The following ELF5 variants were observed in gnomAD, a reference collection of about 807,000 sequenced individuals.
ELF5 encodes the protein E74 like ETS transcription factor 5, also known as ETS-related transcription factor Elf-5.
ELF5 carries 31 observed loss-of-function variants against 38.2 expected under a neutral mutation model. The observed-to-expected ratio is 0.81, with a 90% CI of 0.61 to 1.10. The LOEUF is 1.10. ELF5 is among the 50% of genes least tolerant of loss of function. The probability of loss-of-function intolerance (pLI) is 0.00; values close to 1 mark genes in which losing one functional copy is unlikely to be tolerated. For missense variants in ELF5, 300 were observed against 306.6 expected (o/e 0.98, Z 0.16); for synonymous variants, 121 against 112.5 (o/e 1.08, Z -0.48).
intron 3 of ELF5, 28 bp from the exon 4 acceptor site, chr11:34,490,087 C>G: frequency 6.2e-7 from 1 of 1,613,258 alleles, no homozygotes; most frequent in Non-Finnish European, 8.5e-7. Context: ...ATCCAGAAAC[C>G]ATACCATGCA....
At chr11:34,503,718 C>T (rs1427924804) in intron 2 of ELF5, among the ~76,000 whole-genome samples, 1 of 152,214 alleles carries the variant, frequency 6.6e-6, no homozygotes, top group Non-Finnish European at 1.5e-5. Flanking sequence ...TTCCAAAGTG[C>T]TAGGATTACA....
intron 2 of ELF5, 95 bp from the exon 3 acceptor site, chr11:34,493,807 C>T (rs1373047576): frequency 2.8e-6 from 3 of 1,079,132 alleles, no homozygotes; most frequent in South Asian, 3.0e-5. Flanking sequence ...CATCCTCATT[C>T]CTCAGCCAAT....
intron 1 of ELF5, among the ~76,000 whole-genome samples, chr11:34,510,630 C>G (rs944740056): frequency 2.0e-5 from 3 of 152,146 alleles, no homozygotes; most frequent in Non-Finnish European, 4.4e-5. Context: ...CAGGCCTGCT[C>G]AAGGGGGGTG....
intron 4 of ELF5, among the ~76,000 whole-genome samples, chr11:34,488,202 C>A (rs1437023472): frequency 6.6e-6 from 1 of 152,140 alleles, no homozygotes. Flanking sequence ...TCTACCCCGA[C>A]CTTGCCTCAA....
intron 2 of ELF5, among the ~76,000 whole-genome samples, chr11:34,502,273 A>T (rs1236699206): frequency 6.6e-6 from 1 of 152,234 alleles, no homozygotes; most frequent in Non-Finnish European, 1.5e-5. Flanking sequence ...CCACTGCAAC[A>T]ATCTTTAGGA....
chr11:34,489,792 C>T (rs557213674), intron 4 of ELF5, among the ~76,000 whole-genome samples: 11 of 152,296 alleles, frequency 7.2e-5, no homozygotes, highest in South Asian at 6.2e-4. Context: ...GAGTCTCAGA[C>T]GATAAGCAAT....
At chr11:34,484,477 TACTA>T (rs200871265) in intron 4 of ELF5, among the ~76,000 whole-genome samples, 48,580 of 108,374 alleles carry the variant, frequency 0.45, 8,042 homozygotes, top group Admixed American at 0.53. Flanking sequence ...TGCTACACTA[TACTA>T]ACTATACTAT....
chr11:34,511,325 A>G (rs898287999), intron 1 of ELF5, among the ~76,000 whole-genome samples: 2 of 152,102 alleles, frequency 1.3e-5, no homozygotes, highest in African/African-American at 2.4e-5. Flanking sequence ...ATACCTCAGG[A>G]CAACTGGATA....
chr11:34,511,037 A>G (rs1444487336), intron 1 of ELF5, among the ~76,000 whole-genome samples: 1 of 152,168 alleles, frequency 6.6e-6, no homozygotes, highest in African/African-American at 2.4e-5. Flanking sequence ...CAACTACTAA[A>G]CAAGAACACA....
In ELF5 at chr11:34,508,974, A is replaced by G. The variant is rs149591627; in HGVS notation, c.-4-3221T>C. 1.8e-3 allele frequency among the ~76,000 whole-genome samples: 269 copies of G among 152,296 alleles called. 1 individual carries two copies. Among genetic ancestry groups the G allele is most frequent in the African/African-American group, 6.3e-3 (262 of 41,570 alleles). On this transcript the variant is annotated intron_variant, in intron 1 of 6. Coordinates refer to ENST00000257832, the MANE Select transcript of ELF5 (RefSeq NM_001422.4). ...AGGGGCAGGATTGTGTGATTCTGAA[A>G]CCAAAGGTCAATTCTTTGCAGATGC...
At chr11:34,511,871 G>T in intron 1 of ELF5, 1 of 417,532 alleles carries the variant, frequency 2.4e-6, no homozygotes, top group Non-Finnish European at 4.3e-6. Context: ...CTCTGGGCAT[G>T]TGACCAAAAA....
At chr11:34,511,716 A>G in intron 1 of ELF5, 1 of 973,428 alleles carries the variant, frequency 1.0e-6, no homozygotes, top group Non-Finnish European at 1.5e-6. Flanking sequence ...AGGCAGCAAT[A>G]ACAGGTGTGG....
intron 2 of ELF5, among the ~76,000 whole-genome samples, chr11:34,496,982 A>G (rs1190315045): frequency 6.6e-6 from 1 of 152,240 alleles, no homozygotes; most frequent in Non-Finnish European, 1.5e-5. Flanking sequence ...ATGAAGGTAG[A>G]TATGTGTAAT....
At chr11:34,508,753 C>T (rs1368631889) in intron 1 of ELF5, among the ~76,000 whole-genome samples, 1 of 152,168 alleles carries the variant, frequency 6.6e-6, no homozygotes, top group Non-Finnish European at 1.5e-5. Flanking sequence ...TCCTCGCCTC[C>T]ACCATTTTAC....
chr11:34,509,538 C>T (rs1216552035), intron 1 of ELF5, among the ~76,000 whole-genome samples: 1 of 151,418 alleles, frequency 6.6e-6, no homozygotes, highest in East Asian at 1.9e-4. Flanking sequence ...CCTGGGAGCC[C>T]AATCAAACAG....
chr11:34,480,163 T>C lies in ELF5; in HGVS notation c.*55A>G, dbSNP rs564156882. Reference sequence around the variant, plus strand: ...GAAGCCTTTCGAATGTCTATTGCAATCTGATTGTTTTAAAAGACAGAAATC... The same window carrying C: ...GAAGCCTTTCGAATGTCTATTGCAACCTGATTGTTTTAAAAGACAGAAATC... On this transcript the variant is annotated 3_prime_UTR_variant, in exon 7 of 7. Coordinates refer to ENST00000257832, the MANE Select transcript of ELF5 (RefSeq NM_001422.4). 47 of 1,430,948 alleles carry C rather than the reference T, an allele frequency of 3.3e-5. No homozygotes were observed. The South Asian group carries it at 5.2e-4, about 16-fold the overall frequency. The allele number at this position is 1,430,948 out of a possible 1,614,324, so 88.6% of individuals were successfully genotyped here. A position where few individuals can be genotyped will look rare whatever the true frequency, so the allele number is the denominator to read the frequency against.
Position 34,504,955 on chromosome 11 carries a change from G to T in ELF5, c.121+674C>A, listed in dbSNP as rs548955846. Among the ~76,000 whole-genome samples, 154 of 152,182 alleles carry T rather than the reference G, an allele frequency of 1.0e-3. 1 individual carries two copies. The highest frequency in any genetic ancestry group is 1.7e-3 in the Non-Finnish European group (117 of 67,998). On this transcript the variant is annotated intron_variant, in intron 2 of 6. Coordinates refer to ENST00000257832, the MANE Select transcript of ELF5 (RefSeq NM_001422.4). Reference sequence around the variant, plus strand: ...CCAGGCTACATATTTACACCCTTTGGCTCCCTTAGTCCTTATAGTAGCTCT... The same window carrying T: ...CCAGGCTACATATTTACACCCTTTGTCTCCCTTAGTCCTTATAGTAGCTCT...
intron 4 of ELF5, among the ~76,000 whole-genome samples, chr11:34,485,636 G>A (rs575549442): frequency 4.6e-5 from 7 of 152,316 alleles, no homozygotes; most frequent in Non-Finnish European, 1.0e-4. Flanking sequence ...GGTTTATGAG[G>A]CTGATGGGAA....
At position 34,482,465 on chromosome 11, in the gene ELF5, G is replaced by A. The variant is rs1856963675; in HGVS notation, c.441C>T (p.Ile147=). The change falls in exon 5 of 7, where the codon ATC becomes ATT. Residue 147 remains isoleucine (I), a synonymous_variant. Transcript: ENST00000257832. Reference sequence around the variant, plus strand: ...TATGACTGTGACAGTCTTGACTTTTGATGCCACTTGTTTTCAAGCAGTTGG... The same window carrying A: ...TATGACTGTGACAGTCTTGACTTTTAATGCCACTTGTTTTCAAGCAGTTGG... ...ADSNCLKTSG[I]KSQDCHSHSR... 2 of 1,612,946 alleles carry A rather than the reference G, an allele frequency of 1.2e-6. No homozygotes were observed. Among genetic ancestry groups the A allele is most frequent in the Non-Finnish European group, 1.7e-6 (2 of 1,179,746 alleles).
Sources: gnomAD v4.1 joint callset for allele counts (sites outside exome capture counted in the v4.1 genomes callset) on GRCh38, gnomAD v4.1.1 for gene constraint, MANE v1.5 for transcripts, NCBI Gene and HGNC (gene_info 2026-07-23, HGNC 2026-07-21) for gene names.